MKLN1: variants seen among roughly 807,000 people sequenced by gnomAD.
MKLN1 encodes the protein muskelin 1, also known as muskelin.
Under a neutral mutation model 99.0 loss-of-function variants are expected in MKLN1, and 18 were observed. The ratio of observed to expected loss-of-function variants is 0.18; its 90% confidence interval spans 0.13 to 0.27. MKLN1 has a LOEUF of 0.27. MKLN1 is among the 10% of genes least tolerant of loss of function. The pLI is 1.00. For synonymous variants in MKLN1, 288 were observed against 293.2 expected (o/e 0.98, Z 0.18); for missense variants, 621 against 875.9 (o/e 0.71, Z 3.67).
At chr7:131,219,451 G>C (rs373072651) in intron 3 of MKLN1, among the ~76,000 whole-genome samples, 22 of 152,262 alleles carry the variant, frequency 1.4e-4, no homozygotes, top group African/African-American at 4.8e-4. Context: ...GAAGAATTTC[G>C]AATATTTGTG....
chr7:131,260,440 A>G (rs952140957), intron 3 of MKLN1, among the ~76,000 whole-genome samples: 2 of 152,220 alleles, frequency 1.3e-5, no homozygotes, highest in African/African-American at 4.8e-5. Context: ...GACTACAATG[A>G]GAATTATAAA....
intron 3 of MKLN1, among the ~76,000 whole-genome samples, chr7:131,263,634 C>T (rs553283817): frequency 1.5e-4 from 23 of 151,442 alleles, no homozygotes; most frequent in South Asian, 4.2e-4. Context: ...TGCAGTGGCA[C>T]GATCTCGGCT....
At chr7:131,237,617 G>T (rs191951509) in intron 3 of MKLN1, among the ~76,000 whole-genome samples, 53 of 152,232 alleles carry the variant, frequency 3.5e-4, no homozygotes, top group African/African-American at 1.3e-3. Flanking sequence ...CTGACTAAGT[G>T]GGGCAATTGG....
chr7:131,474,702 A>G (rs1351168808), intron 16 of MKLN1, among the ~76,000 whole-genome samples: 1 of 152,232 alleles, frequency 6.6e-6, no homozygotes, highest in Non-Finnish European at 1.5e-5. Context: ...TTAAAAGTGA[A>G]AAGTTGGCCT....
intron 3 of MKLN1, among the ~76,000 whole-genome samples, chr7:131,275,627 C>T (rs1490197682): frequency 4.3e-5 from 5 of 117,050 alleles, no homozygotes; most frequent in African/African-American, 1.6e-4. Context: ...AGACGGCTTT[C>T]ACCATATTGG....
intron 1 of MKLN1, among the ~76,000 whole-genome samples, chr7:131,126,647 G>A (rs188776835): frequency 0.012 from 1,834 of 152,142 alleles, 12 homozygotes; most frequent in Middle Eastern, 0.017. Flanking sequence ...TCTGCCTCCC[G>A]GGTTCAAGCA....
chr7:131,142,694 C>A, intron 1 of MKLN1: 2 of 304,262 alleles, frequency 6.6e-6, no homozygotes, highest in South Asian at 5.4e-5. Flanking sequence ...GAGATCGCCC[C>A]ACTGCACTCC....
chr7:131,248,618 A>AGGTTT (rs1287721006), intron 3 of MKLN1, among the ~76,000 whole-genome samples: 7 of 152,266 alleles, frequency 4.6e-5, no homozygotes, highest in Admixed American at 6.5e-5. Flanking sequence ...CCTCTGTGTA[A>AGGTTT]ACCCTTTACT....
chr7:131,118,470 T>C (rs1164415137), intron 1 of MKLN1, among the ~76,000 whole-genome samples: 1 of 151,822 alleles, frequency 6.6e-6, no homozygotes, highest in African/African-American at 2.4e-5. Context: ...AGAGAATCGC[T>C]TGAACCTGGG....
intron 3 of MKLN1, among the ~76,000 whole-genome samples, chr7:131,273,740 T>C (rs1486624441): frequency 6.6e-6 from 1 of 150,888 alleles, no homozygotes; most frequent in Non-Finnish European, 1.5e-5. Flanking sequence ...TCCCCCCACC[T>C]CAGGCTCCCA....
At chr7:131,115,927 C>T (rs544797453) in intron 1 of MKLN1, among the ~76,000 whole-genome samples, 10 of 152,182 alleles carry the variant, frequency 6.6e-5, no homozygotes, top group African/African-American at 2.2e-4. Flanking sequence ...AACTTTATTT[C>T]TATTTGTTTT....
chr7:131,444,006 G>T (rs1795921576), intron 11 of MKLN1, among the ~76,000 whole-genome samples: 1 of 151,998 alleles, frequency 6.6e-6, no homozygotes, highest in Non-Finnish European at 1.5e-5. Flanking sequence ...GTAATTAGAA[G>T]GACAATTTCT....
At chr7:131,322,792 G>C (rs1015563739) in intron 3 of MKLN1, among the ~76,000 whole-genome samples, 6 of 151,136 alleles carry the variant, frequency 4.0e-5, no homozygotes, top group African/African-American at 1.2e-4. Context: ...GGATGGTCTC[G>C]ATCTCCTGAC....
intron 3 of MKLN1, among the ~76,000 whole-genome samples, chr7:131,259,114 T>TA (rs1300996207): frequency 6.6e-6 from 1 of 151,866 alleles, no homozygotes; most frequent in African/African-American, 2.4e-5. Flanking sequence ...TTGGATTTTT[T>TA]AAAAAAATAT....
At chr7:131,288,726 A>G (rs1353629984) in intron 3 of MKLN1, among the ~76,000 whole-genome samples, 1 of 152,130 alleles carries the variant, frequency 6.6e-6, no homozygotes, top group Non-Finnish European at 1.5e-5. Context: ...ATTATCTGCT[A>G]GTATTGTGAC....
At chr7:131,161,963 GTATATATATATATA>G (rs71168374) in intron 2 of MKLN1, among the ~76,000 whole-genome samples, 6,426 of 109,244 alleles carry the variant, frequency 0.059, 333 homozygotes, top group East Asian at 0.26. Flanking sequence ...GTGTGTGTGT[GTATATATATATATA>G]TATATATATA....
intron 3 of MKLN1, among the ~76,000 whole-genome samples, chr7:131,243,645 G>T (rs1797440780): frequency 6.6e-6 from 1 of 152,118 alleles, no homozygotes; most frequent in Non-Finnish European, 1.5e-5. Context: ...AGATGACCAC[G>T]GCTAACTGCT....
At chr7:131,174,162 C>T (rs1796259502) in intron 2 of MKLN1, among the ~76,000 whole-genome samples, 1 of 151,884 alleles carries the variant, frequency 6.6e-6, no homozygotes, top group Non-Finnish European at 1.5e-5. Flanking sequence ...TTAGTAGAGA[C>T]GGGGTTTCAC....
At chr7:131,221,224 C>A (rs1584845731) in intron 3 of MKLN1, among the ~76,000 whole-genome samples, 1 of 152,102 alleles carries the variant, frequency 6.6e-6, no homozygotes. Context: ...AAAGGGCCTG[C>A]GGGGTTTGAA....
Sources: gnomAD v4.1 joint callset for allele counts (sites outside exome capture counted in the v4.1 genomes callset) on GRCh38, gnomAD v4.1.1 for gene constraint, MANE v1.5 for transcripts, NCBI Gene and HGNC (gene_info 2026-07-23, HGNC 2026-07-21) for gene names.